Variants in TCF12 observed in about 807,000 individuals in gnomAD.
TCF12 encodes transcription factor 12, also known as DNA-binding protein HTF4.
Under a neutral mutation model 86.0 loss-of-function variants are expected in TCF12, and 45 were observed. That is an observed-to-expected ratio of 0.52 (90% CI 0.41 to 0.67). TCF12 has a LOEUF of 0.67. Ranked by LOEUF, TCF12 falls within the 30% of genes least tolerant of loss-of-function variation. The pLI, the probability that TCF12 is intolerant of heterozygous loss-of-function variation, is 0.00. For synonymous variants in TCF12, 330 were observed against 299.6 expected (o/e 1.10, Z -1.05); for missense variants, 881 against 859.9 (o/e 1.02, Z -0.31).
intron 8 of TCF12, among the ~76,000 whole-genome samples, chr15:57,216,554 A>G (rs1178554914): frequency 3.8e-5 from 5 of 133,312 alleles, no homozygotes; most frequent in Admixed American, 3.1e-4. Context: ...AACCCTTGAC[A>G]TGTTCCTTTA....
chr15:57,005,799 A>T (rs12101388), intron 3 of TCF12, among the ~76,000 whole-genome samples: 14 of 152,120 alleles, frequency 9.2e-5, no homozygotes, highest in African/African-American at 2.9e-4. Context: ...CGAACTCCTG[A>T]CCTCAACCCA....
chr15:57,243,596 A>T lies in TCF12; in HGVS notation c.1114+46A>T, dbSNP rs772696319. 9.0e-6 allele frequency: 13 copies of T among 1,444,756 alleles called. No individual in the cohort carries two copies. The South Asian group carries it at 1.6e-4, about 18-fold the overall frequency. The allele number at this position is 1,444,756 out of a possible 1,614,324, so 89.5% of individuals were successfully genotyped here. A position where few individuals can be genotyped will look rare whatever the true frequency, so the allele number is the denominator to read the frequency against. On this transcript the variant is annotated intron_variant, in intron 13 of 20. Transcript: ENST00000333725. ...CTTCTAACTGGTGGGACTACTTGGA[A>T]ATATTTCTAGTTCATTTATTTCTCA...
intron 8 of TCF12, among the ~76,000 whole-genome samples, chr15:57,199,061 C>G (rs775053973): frequency 6.6e-6 from 1 of 152,150 alleles, no homozygotes; most frequent in Non-Finnish European, 1.5e-5. Flanking sequence ...TGCTCTGAAC[C>G]TGCAGCCTAC....
intron 3 of TCF12, among the ~76,000 whole-genome samples, chr15:56,942,368 C>A (rs959142253): frequency 1.8e-4 from 27 of 152,066 alleles, no homozygotes; most frequent in Admixed American, 1.6e-3. Context: ...TAATAATAAT[C>A]TGACTGTTTT....
chr15:57,236,855 A>T (rs2059401141), intron 12 of TCF12, among the ~76,000 whole-genome samples: 1 of 152,072 alleles, frequency 6.6e-6, no homozygotes, highest in Admixed American at 6.6e-5. Context: ...AGAAAAAAAA[A>T]AAACCTAGGG....
At chr15:57,183,428 G>A (rs953641520) in intron 6 of TCF12, among the ~76,000 whole-genome samples, 1 of 151,992 alleles carries the variant, frequency 6.6e-6, no homozygotes, top group Admixed American at 6.6e-5. Flanking sequence ...ACCCTCTTTG[G>A]ATTTAGCATC....
chr15:56,985,920 G>T (rs1253598352), intron 3 of TCF12, among the ~76,000 whole-genome samples: 2 of 152,156 alleles, frequency 1.3e-5, no homozygotes, highest in Non-Finnish European at 1.5e-5. Context: ...TTTCAGTTAA[G>T]AGGTTTTAAT....
chr15:57,135,202 A>T (rs1214681854), intron 5 of TCF12, among the ~76,000 whole-genome samples: 7 of 152,212 alleles, frequency 4.6e-5, no homozygotes, highest in Non-Finnish European at 1.0e-4. Context: ...GTAGTATGGG[A>T]TGCAACAAAC....
chr15:56,929,759 TAAAA>T (rs1442253427), intron 3 of TCF12, among the ~76,000 whole-genome samples: 1 of 152,152 alleles, frequency 6.6e-6, no homozygotes, highest in African/African-American at 2.4e-5. Flanking sequence ...TTTTTTCCCT[TAAAA>T]AACCACTACT....
intron 3 of TCF12, among the ~76,000 whole-genome samples, chr15:57,002,194 T>C (rs2064085262): frequency 6.6e-6 from 1 of 152,202 alleles, no homozygotes; most frequent in Non-Finnish European, 1.5e-5. Flanking sequence ...GTGATTGTGT[T>C]GTGTGTGCAA....
chr15:56,989,247 A>G (rs1366292274), intron 3 of TCF12, among the ~76,000 whole-genome samples: 1 of 152,160 alleles, frequency 6.6e-6, no homozygotes, highest in Non-Finnish European at 1.5e-5. Flanking sequence ...TTGCATTTTA[A>G]ATGGTTATAG....
chr15:57,089,292 T>C (rs2048838972), intron 4 of TCF12, among the ~76,000 whole-genome samples: 1 of 152,178 alleles, frequency 6.6e-6, no homozygotes, highest in Non-Finnish European at 1.5e-5. Context: ...TTACTGATAC[T>C]TGATATGTGG....
At chr15:57,104,172 C>T (rs1219859392) in intron 5 of TCF12, among the ~76,000 whole-genome samples, 8 of 151,840 alleles carry the variant, frequency 5.3e-5, no homozygotes, top group Non-Finnish European at 1.2e-4. Flanking sequence ...AAGTTAGTAT[C>T]AGGAGAGACA....
At chr15:57,114,938 G>A (rs543182390) in intron 5 of TCF12, among the ~76,000 whole-genome samples, 307 of 150,500 alleles carry the variant, frequency 2.0e-3, no homozygotes, top group Non-Finnish European at 3.8e-3. Flanking sequence ...TTTTGGTAAT[G>A]CAACAAGGAA....
chr15:57,188,019 C>G (rs1326904755), intron 6 of TCF12, among the ~76,000 whole-genome samples: 3 of 151,992 alleles, frequency 2.0e-5, no homozygotes, highest in East Asian at 3.9e-4. Context: ...TAAAACTATC[C>G]TCATTTGCAG....
chr15:56,989,512 G>A (rs1275488419), intron 3 of TCF12, among the ~76,000 whole-genome samples: 1 of 152,196 alleles, frequency 6.6e-6, no homozygotes, highest in Non-Finnish European at 1.5e-5. Flanking sequence ...CTTTGCTTTA[G>A]AAGTTTGTTT....
rs2059167629 is a variant in TCF12, at chr15:57,232,214, T to G, written c.686-77T>G. 5 of 1,555,782 alleles carry G rather than the reference T, an allele frequency of 3.2e-6. No homozygotes were observed. In the African/African-American group the frequency reaches 5.5e-5, roughly 17 times the overall value. ...GGAAAAATATCTGGAGGGTACCCCT[T>G]GAATTTTTATAAGCAACATCAAAAT... On this transcript the variant is annotated intron_variant, in intron 9 of 20. Transcript: ENST00000333725.
At chr15:56,972,463 A>G (rs2062387411) in intron 3 of TCF12, among the ~76,000 whole-genome samples, 1 of 152,212 alleles carries the variant, frequency 6.6e-6, no homozygotes, top group African/African-American at 2.4e-5. Flanking sequence ...GGAAACTTCT[A>G]TGAATTGATA....
intron 3 of TCF12, among the ~76,000 whole-genome samples, chr15:57,020,616 A>G (rs1253427324): frequency 6.6e-6 from 1 of 152,236 alleles, no homozygotes; most frequent in Non-Finnish European, 1.5e-5. Context: ...CTCAAAGCTA[A>G]TATAACCATC....
Sources: gnomAD v4.1 joint callset for allele counts (sites outside exome capture counted in the v4.1 genomes callset) on GRCh38, gnomAD v4.1.1 for gene constraint, MANE v1.5 for transcripts, NCBI Gene and HGNC (gene_info 2026-07-23, HGNC 2026-07-21) for gene names.